The following GLG1 variants were observed in gnomAD, a reference collection of about 807,000 sequenced individuals.
GLG1 encodes Golgi apparatus protein 1.
GLG1 carries 38 observed loss-of-function variants against 160.5 expected under a neutral mutation model. The ratio of observed to expected loss-of-function variants is 0.24; its 90% CI spans 0.18 to 0.31. The LOEUF (loss-of-function observed/expected upper bound fraction) is 0.31, where lower values mean the gene tolerates loss of function less well. GLG1 is among the 10% of genes least tolerant of loss of function. The pLI, the probability that GLG1 is intolerant of heterozygous loss-of-function variation, is 1.00. For missense variants in GLG1, 1,373 were observed against 1,505.2 expected (o/e 0.91, Z 1.45); for synonymous variants, 644 against 543.4 (o/e 1.19, Z -2.57).
intron 1 of GLG1, among the ~76,000 whole-genome samples, chr16:74,553,999 A>C (rs2143708642): frequency 6.6e-6 from 1 of 152,340 alleles, no homozygotes; most frequent in South Asian, 2.1e-4. Context: ...GAGATCATTT[A>C]AAATTCTCAA....
chr16:74,503,865 A>T, intron 3 of GLG1, 119 bp from the exon 4 acceptor site: 1 of 667,670 alleles, frequency 1.5e-6, no homozygotes, highest in East Asian at 2.7e-5. Flanking sequence ...TACTTGGAAG[A>T]AAAAAAGAAA....
At position 74,516,192 on chromosome 16, in the gene GLG1, G is replaced by A. The variant is rs907638667; in HGVS notation, c.472-7267C>T. Among the ~76,000 whole-genome samples, 27 of 151,574 alleles carry A rather than the reference G, an allele frequency of 1.8e-4. 1 individual carries two copies. The highest frequency in any genetic ancestry group is 5.6e-4 in the African/African-American group (23 of 40,896). ...ATATCCAGGAATTGAACTCAGCTCT[G>A]CACCAAGCAGACCTAATAGACATCT... On this transcript the variant is annotated intron_variant, in intron 2 of 25. Coordinates refer to ENST00000422840, the MANE Select transcript of GLG1 (RefSeq NM_001145667.2).
chr16:74,460,623 G>A (rs1370744130), intron 22 of GLG1, among the ~76,000 whole-genome samples: 2 of 152,200 alleles, frequency 1.3e-5, no homozygotes, highest in Non-Finnish European at 2.9e-5. Context: ...TTTGATGATC[G>A]TCCCACACCT....
intron 1 of GLG1, among the ~76,000 whole-genome samples, chr16:74,549,980 T>C (rs1228412123): frequency 6.6e-6 from 1 of 151,728 alleles, no homozygotes; most frequent in Non-Finnish European, 1.5e-5. Context: ...TAGCCGGGCG[T>C]GGTGGGAGCA....
chr16:74,466,253 C>A (rs115560158), intron 18 of GLG1, among the ~76,000 whole-genome samples: 2 of 152,188 alleles, frequency 1.3e-5, no homozygotes, highest in Non-Finnish European at 2.9e-5. Flanking sequence ...AGACCCAATT[C>A]TCAGCCTGAT....
At chr16:74,467,143 ATATT>A (rs151166789) in intron 18 of GLG1, among the ~76,000 whole-genome samples, 1 of 152,372 alleles carries the variant, frequency 6.6e-6, no homozygotes, top group Non-Finnish European at 1.5e-5. Flanking sequence ...AATGAGACTT[ATATT>A]GACATCAGAC....
intron 1 of GLG1, among the ~76,000 whole-genome samples, chr16:74,543,228 T>G (rs1441668975): frequency 6.6e-6 from 1 of 152,204 alleles, no homozygotes; most frequent in South Asian, 2.1e-4. Context: ...GACAGCACAC[T>G]TCACTGCACA....
At chr16:74,502,811 C>T (rs1414491156) in intron 4 of GLG1, among the ~76,000 whole-genome samples, 4 of 141,634 alleles carry the variant, frequency 2.8e-5, no homozygotes, top group Non-Finnish European at 6.0e-5. Flanking sequence ...ACCTCGTGAT[C>T]TGCCCACCTC....
intron 1 of GLG1, among the ~76,000 whole-genome samples, chr16:74,561,019 C>A (rs1395755315): frequency 6.6e-6 from 1 of 152,224 alleles, no homozygotes; most frequent in Non-Finnish European, 1.5e-5. Context: ...TAGTCTGGCA[C>A]CACGCAGTCC....
chr16:74,586,471 A>G (rs919581712), intron 1 of GLG1, among the ~76,000 whole-genome samples: 1 of 152,006 alleles, frequency 6.6e-6, no homozygotes, highest in African/African-American at 2.4e-5. Context: ...CCATTGGGCA[A>G]TGGAAAGATA....
intron 6 of GLG1, among the ~76,000 whole-genome samples, 169 bp downstream of exon 6, chr16:74,494,591 G>C (rs903283563): frequency 1.3e-5 from 2 of 151,926 alleles, no homozygotes; most frequent in African/African-American, 4.8e-5. Flanking sequence ...ATTTTTAGTA[G>C]AGACGGCGTT....
intron 1 of GLG1, among the ~76,000 whole-genome samples, chr16:74,591,496 C>T (rs1025343133): frequency 6.6e-6 from 1 of 151,660 alleles, no homozygotes; most frequent in Non-Finnish European, 1.5e-5. Flanking sequence ...TGCGTGGTGG[C>T]GGGTGCCCGT....
chr16:74,477,507 G>T lies in GLG1; in HGVS notation c.1854C>A (p.Val618=). ...TGGCACGCTGGTGTAGGATCCTTTG[G>T]ACTTCAGCTCGGCACTCCCGTGAGA... ...RRLSRECRAE[V]QRILHQRAMD... The change falls in exon 12 of 26, where the codon GTC becomes GTA. Residue 618 remains valine, a synonymous_variant. Coordinates refer to ENST00000422840, the MANE Select transcript of GLG1 (RefSeq NM_001145667.2). 1 of 1,613,352 alleles carries T rather than the reference G, an allele frequency of 6.2e-7. No homozygotes were observed. The highest frequency in any genetic ancestry group is 8.5e-7 in the Non-Finnish European group (1 of 1,179,358).
At chr16:74,544,522 T>A (rs1487425915) in intron 1 of GLG1, among the ~76,000 whole-genome samples, 1 of 152,206 alleles carries the variant, frequency 6.6e-6, no homozygotes, top group African/African-American at 2.4e-5. Flanking sequence ...TGGTTGGTTT[T>A]TTGAAATGGA....
intron 1 of GLG1, among the ~76,000 whole-genome samples, chr16:74,555,028 A>G (rs1329169575): frequency 6.6e-6 from 1 of 152,236 alleles, no homozygotes; most frequent in Non-Finnish European, 1.5e-5. Flanking sequence ...AAATAAATAA[A>G]TAATAAAAAC....
chr16:74,509,192 G>A (rs1360511796), intron 2 of GLG1, among the ~76,000 whole-genome samples: 2 of 96,034 alleles, frequency 2.1e-5, no homozygotes, highest in Non-Finnish European at 3.9e-5. Context: ...TTTTTTTTGA[G>A]ACAGAGTTTC....
chr16:74,470,351 TTCCTTCCC>T (rs1172657219), intron 15 of GLG1, among the ~76,000 whole-genome samples: 3 of 144,680 alleles, frequency 2.1e-5, no homozygotes, highest in African/African-American at 7.6e-5. Flanking sequence ...CCCTCCTTCC[TTCCTTCCC>T]TCCTTCCTTC....
chr16:74,496,346 A>G (rs2016185612), intron 5 of GLG1, 95 bp downstream of exon 5: 6 of 880,138 alleles, frequency 6.8e-6, no homozygotes, highest in South Asian at 4.7e-5. Flanking sequence ...GCAAGACTCA[A>G]TCTCTCAAAA....
In GLG1 at chr16:74,503,714, T is replaced by G; in HGVS notation, c.591A>C (p.Lys197Asn). The G allele has an allele frequency of 1.2e-6, 2 of 1,611,818 alleles. No individual in the cohort carries two copies. Among genetic ancestry groups the G allele is most frequent in the Non-Finnish European group, 1.7e-6 (2 of 1,177,982 alleles). ...IKECADEPVG[K>N]GYMVSCLVDH... ...CCACCAAGCAGGAAACCATGTAACC[T>G]TTTCCAACCGGTTCATCAGCACATT... Residue 197 changes from lysine (K) to asparagine (N), a missense_variant, in exon 4 of 26, where the codon AAA becomes AAC. Lys to Asn is a moderately conservative substitution (Grantham distance 94). Around this residue, in one of 4 missense-constraint regions of GLG1, gnomAD observed 174 missense variants for 229.9 expected, o/e 0.76. Coordinates refer to ENST00000422840, the MANE Select transcript of GLG1 (RefSeq NM_001145667.2).
Sources: allele counts gnomAD v4.1 joint callset (sites outside exome capture counted in the v4.1 genomes callset), GRCh38; gene constraint gnomAD v4.1.1; regional missense constraint gnomAD v4.1.1; transcripts MANE v1.5; gene names NCBI Gene and HGNC (gene_info 2026-07-23, HGNC 2026-07-21).